The following CA10 variants were observed in gnomAD, a reference collection of about 807,000 sequenced individuals.
The protein encoded by CA10 is carbonic anhydrase 10 (inactive), also known as carbonic anhydrase-related protein 10.
In CA10, 14 loss-of-function variants were observed where a neutral mutation model predicts 44.2. That is an observed-to-expected ratio of 0.32 (90% CI 0.21 to 0.50). The LOEUF (loss-of-function observed/expected upper bound fraction) is 0.50, where lower values mean the gene tolerates loss of function less well. Ranked by LOEUF, CA10 falls within the 20% of genes least tolerant of loss-of-function variation. The pLI, the probability that CA10 is intolerant of heterozygous loss-of-function variation, is 0.99. For missense variants in CA10, 350 were observed against 409.7 expected, an observed-to-expected ratio of 0.85 and a Z score of 1.26; for synonymous variants, 159 against 141.6, an observed-to-expected ratio of 1.12 and a Z score of -0.87.
intron 3 of CA10, among the ~76,000 whole-genome samples, chr17:51,774,600 C>T (rs1223975948): frequency 5.3e-5 from 8 of 152,008 alleles, no homozygotes; most frequent in Non-Finnish European, 7.4e-5. Flanking sequence ...CCACCACATC[C>T]GGCTAATTTT....
intron 2 of CA10, among the ~76,000 whole-genome samples, chr17:51,948,151 A>T (rs1406232392): frequency 1.3e-5 from 2 of 152,160 alleles, no homozygotes; most frequent in Non-Finnish European, 2.9e-5. Flanking sequence ...ACTCAGCAAC[A>T]AGACTGCCAC....
intron 3 of CA10, among the ~76,000 whole-genome samples, chr17:51,804,751 T>A (rs2143725644): frequency 6.6e-6 from 1 of 152,344 alleles, no homozygotes; most frequent in East Asian, 1.9e-4. Context: ...TTTTTACTAA[T>A]TAAATACGTA....
Position 51,666,432 on chromosome 17 carries a change from T to C in CA10, c.466-12696A>G, listed in dbSNP as rs73987141. Among the ~76,000 whole-genome samples the C allele has an allele frequency of 7.6e-3, 1,156 of 152,276 alleles. 14 individuals carry two copies. Among genetic ancestry groups the C allele is most frequent in the African/African-American group, 0.026 (1,093 of 41,566 alleles). ...GAGAAGGGGGTTGTACGTGCAGGGG[T>C]AGGGAATGTTGATGACAGCAGGTTT... On this transcript the variant is annotated intron_variant, in intron 4 of 8. Transcript: ENST00000451037.
At chr17:51,948,157 G>T (rs1983353154) in intron 2 of CA10, among the ~76,000 whole-genome samples, 1 of 152,126 alleles carries the variant, frequency 6.6e-6, no homozygotes, top group Non-Finnish European at 1.5e-5. Context: ...CAACAAGACT[G>T]CCACCCCTGT....
chr17:51,921,502 A>C (rs1251108911), intron 3 of CA10, among the ~76,000 whole-genome samples: 1 of 152,218 alleles, frequency 6.6e-6, no homozygotes, highest in African/African-American at 2.4e-5. Context: ...AGACAGAGAA[A>C]ACTGAATATA....
chr17:52,146,540 A>G (rs1239355142), intron 1 of CA10, among the ~76,000 whole-genome samples: 3 of 152,072 alleles, frequency 2.0e-5, no homozygotes, highest in African/African-American at 7.2e-5. Flanking sequence ...AATACAAAAA[A>G]TCAGCCGGCC....
intron 3 of CA10, among the ~76,000 whole-genome samples, chr17:51,924,127 T>A (rs938295210): frequency 6.6e-6 from 1 of 152,126 alleles, no homozygotes; most frequent in Non-Finnish European, 1.5e-5. Context: ...ATTTCACAGT[T>A]AGCTAAAGAG....
chr17:52,009,440 C>A (rs760156215), intron 2 of CA10, among the ~76,000 whole-genome samples: 1 of 151,866 alleles, frequency 6.6e-6, no homozygotes, highest in South Asian at 2.1e-4. Flanking sequence ...TTTCACCAGG[C>A]CAGTAAGAAG....
At chr17:51,667,522 A>G (rs577828343) in intron 4 of CA10, among the ~76,000 whole-genome samples, 1 of 152,084 alleles carries the variant, frequency 6.6e-6, no homozygotes, top group South Asian at 2.1e-4. Flanking sequence ...CGTAAATTGG[A>G]AGAATGATTG....
chr17:51,692,389 A>G (rs1392409395), intron 4 of CA10, among the ~76,000 whole-genome samples: 1 of 127,384 alleles, frequency 7.9e-6, no homozygotes, highest in Non-Finnish European at 1.8e-5. Flanking sequence ...CTATCTATCT[A>G]TCTATCTATC....
At chr17:51,677,894 C>CT (rs944680606) in intron 4 of CA10, among the ~76,000 whole-genome samples, 1 of 143,964 alleles carries the variant, frequency 6.9e-6, no homozygotes, top group African/African-American at 2.4e-5. Flanking sequence ...CACCCCCCCC[C>CT]CCACCGGCTG....
chr17:51,907,013 C>T (rs1981584038), intron 3 of CA10, among the ~76,000 whole-genome samples: 1 of 152,144 alleles, frequency 6.6e-6, no homozygotes, highest in South Asian at 2.1e-4. Flanking sequence ...AGTGATCTTT[C>T]AATAACCTGT....
intron 2 of CA10, among the ~76,000 whole-genome samples, chr17:52,040,145 C>CTTT (rs200635464): frequency 7.2e-5 from 10 of 139,050 alleles, no homozygotes; most frequent in East Asian, 2.2e-4. Flanking sequence ...TCTTTTTTTT[C>CTTT]TTTTTTTTTT....
At chr17:51,960,392 A>C (rs1345356729) in intron 2 of CA10, among the ~76,000 whole-genome samples, 2 of 152,086 alleles carry the variant, frequency 1.3e-5, no homozygotes, top group Non-Finnish European at 2.9e-5. Context: ...AAATTTACAG[A>C]TTTGGGAGGC....
intron 4 of CA10, among the ~76,000 whole-genome samples, chr17:51,742,281 CA>C (rs1347468370): frequency 2.0e-5 from 3 of 152,276 alleles, no homozygotes; most frequent in African/African-American, 7.2e-5. Context: ...TGTCCTTATA[CA>C]TCCCAATCCT....
intron 3 of CA10, among the ~76,000 whole-genome samples, chr17:51,772,012 T>C (rs551221769): frequency 2.4e-4 from 37 of 152,294 alleles, no homozygotes; most frequent in African/African-American, 8.9e-4. Flanking sequence ...TCAATTACCA[T>C]CCCTGTGATG....
intron 3 of CA10, among the ~76,000 whole-genome samples, chr17:51,882,023 A>T (rs1980397782): frequency 6.6e-6 from 1 of 151,886 alleles, no homozygotes; most frequent in Non-Finnish European, 1.5e-5. Flanking sequence ...ATGGTTCATC[A>T]ATAGCCCACA....
In CA10 at chr17:51,911,551, T is replaced by C. The variant is rs547387464; in HGVS notation, c.279+19439A>G. On this transcript the variant is annotated intron_variant, in intron 3 of 8. Transcript: ENST00000451037. ...GGTCTGCCAAGCAGGAATGAAACAC[T>C]GAGTTGAGACTGCTGGTTGGAATGA... Among the ~76,000 whole-genome samples the C allele has an allele frequency of 6.6e-5, 10 of 152,242 alleles. No homozygotes were observed. The East Asian group carries it at 1.9e-3, about 29-fold the overall frequency.
intron 3 of CA10, among the ~76,000 whole-genome samples, chr17:51,916,988 T>C (rs1414259266): frequency 2.0e-5 from 3 of 152,202 alleles, no homozygotes; most frequent in Non-Finnish European, 2.9e-5. Context: ...CTGGGTTTAC[T>C]TTTTAAGGCC....
Sources: allele counts gnomAD v4.1 joint callset (sites outside exome capture counted in the v4.1 genomes callset), GRCh38; gene constraint gnomAD v4.1.1; transcripts MANE v1.5; gene names NCBI Gene and HGNC (gene_info 2026-07-23, HGNC 2026-07-21).